The following AKAP6 variants were observed in gnomAD, a reference collection of about 807,000 sequenced individuals.
AKAP6 encodes A-kinase anchor protein 6.
In AKAP6, 58 loss-of-function variants were observed where a neutral mutation model predicts 188.5. The observed-to-expected ratio is 0.31, with a 90% confidence interval of 0.25 to 0.38. AKAP6 has a LOEUF of 0.38. Ranked by LOEUF, AKAP6 falls within the 10% of genes least tolerant of loss-of-function variation. The pLI is 1.00. For missense variants in AKAP6, 2,710 were observed against 2,740.0 expected (o/e 0.99, Z 0.24); for synonymous variants, 989 against 998.6 (o/e 0.99, Z 0.18).
intron 9 of AKAP6, 40 bp from the exon 10 acceptor site, chr14:32,732,414 T>C: frequency 6.3e-7 from 1 of 1,583,778 alleles, no homozygotes; most frequent in Non-Finnish European, 8.6e-7. Context: ...TAAGAACACC[T>C]CTCTCCCTAA....
chr14:32,811,472 AG>A (rs375834029), intron 12 of AKAP6, among the ~76,000 whole-genome samples: 26 of 152,230 alleles, frequency 1.7e-4, no homozygotes, highest in African/African-American at 6.0e-4. Flanking sequence ...TTGAGAATGA[AG>A]ACACAAGAGG....
intron 4 of AKAP6, among the ~76,000 whole-genome samples, chr14:32,555,859 G>A (rs139553647): frequency 2.6e-4 from 40 of 152,164 alleles, no homozygotes; most frequent in African/African-American, 9.6e-4. Flanking sequence ...GACAATCTGG[G>A]TTGCTTCCAC....
In AKAP6 at chr14:32,545,994, C is replaced by T. The variant is rs777699344; in HGVS notation, c.1341C>T (p.Asn447=). ...LCLVLQSSYP[N]SPSAASQSYE... ...TGGTATTGCAGTCTTCTTACCCCAA[C>T]AGCCCTTCTGCTGCCAGCCAGTCTT... Residue 447 remains asparagine, a synonymous_variant, in exon 4 of 14, where the codon AAC becomes AAT. Coordinates refer to ENST00000280979, the MANE Select transcript of AKAP6 (RefSeq NM_004274.5). 7.4e-6 allele frequency: 12 copies of T among 1,614,204 alleles called. No homozygotes were observed. Among genetic ancestry groups the T allele is most frequent in the Non-Finnish European group, 1.0e-5 (12 of 1,180,036 alleles).
intron 1 of AKAP6, among the ~76,000 whole-genome samples, chr14:32,424,570 G>C (rs1272452378): frequency 6.6e-6 from 1 of 151,874 alleles, no homozygotes; most frequent in Admixed American, 6.6e-5. Flanking sequence ...TGTGTCATTG[G>C]GGTTTGTTGT....
chr14:32,677,680 GA>G (rs1889491267), intron 7 of AKAP6, among the ~76,000 whole-genome samples: 1 of 152,212 alleles, frequency 6.6e-6, no homozygotes, highest in Non-Finnish European at 1.5e-5. Context: ...TGGTTTGATA[GA>G]AAACAGCATG....
At chr14:32,485,782 A>G (rs1046490533) in intron 2 of AKAP6, among the ~76,000 whole-genome samples, 3 of 152,146 alleles carry the variant, frequency 2.0e-5, no homozygotes, top group African/African-American at 7.2e-5. Context: ...CACTCTGATG[A>G]TAATTCCTTT....
In AKAP6 at chr14:32,433,477, G is replaced by A; in HGVS notation, c.-17G>A. 1 of 1,603,200 alleles carries A rather than the reference G, an allele frequency of 6.2e-7. No individual in the cohort carries two copies. The highest frequency in any genetic ancestry group is 1.1e-5 in the South Asian group (1 of 90,456). ...CCTTTCAGCTGTTTTGGAAAGAAGT[G>A]AGGTTTAGACTTCTCCATGTTAACC... is the stretch of plus-strand genomic sequence containing the variant. On this transcript the variant is annotated 5_prime_UTR_variant, in exon 2 of 14. Transcript: ENST00000280979.
intron 1 of AKAP6, among the ~76,000 whole-genome samples, chr14:32,346,648 A>G (rs1256979299): frequency 6.6e-6 from 1 of 152,136 alleles, no homozygotes; most frequent in Admixed American, 6.5e-5. Context: ...AGCTGGGACT[A>G]CAGGGGCCCG....
At chr14:32,695,480 A>C (rs760792709) in intron 8 of AKAP6, among the ~76,000 whole-genome samples, 5 of 152,202 alleles carry the variant, frequency 3.3e-5, no homozygotes, top group Non-Finnish European at 4.4e-5. Flanking sequence ...GCTGATAGTG[A>C]TCCTTATACA....
intron 3 of AKAP6, among the ~76,000 whole-genome samples, chr14:32,537,297 A>G (rs933122106): frequency 6.6e-6 from 1 of 152,212 alleles, no homozygotes; most frequent in African/African-American, 2.4e-5. Flanking sequence ...ACTTCAGTAG[A>G]GTAACCACGG....
chr14:32,704,362 G>A (rs1384099699), intron 9 of AKAP6, among the ~76,000 whole-genome samples: 1 of 152,130 alleles, frequency 6.6e-6, no homozygotes, highest in Admixed American at 6.6e-5. Flanking sequence ...GATAGCTTTT[G>A]CTTTAGCCCC....
In AKAP6 at chr14:32,568,712, A is replaced by C. The variant is rs149096801; in HGVS notation, c.2347-8408A>C. Among the ~76,000 whole-genome samples the C allele has an allele frequency of 6.3e-4, 96 of 152,200 alleles. No homozygotes were observed. Among genetic ancestry groups the C allele is most frequent in the Middle Eastern group, 3.4e-3 (1 of 294 alleles). On this transcript the variant is annotated intron_variant, in intron 4 of 13. Coordinates refer to ENST00000280979, the MANE Select transcript of AKAP6 (RefSeq NM_004274.5). This position sits in a 1 kb window ranked among gnomAD's most constrained non-coding sequence, Gnocchi z 6.2. Reference sequence around the variant, plus strand: ...TACCTGACAATGTTGGGAGCTTGTAAAGTGTTTGATCTTGTCTGTGCTTCA... The same window carrying C: ...TACCTGACAATGTTGGGAGCTTGTACAGTGTTTGATCTTGTCTGTGCTTCA...
At chr14:32,452,466 T>G (rs1890974946) in intron 2 of AKAP6, among the ~76,000 whole-genome samples, 1 of 152,240 alleles carries the variant, frequency 6.6e-6, no homozygotes. Flanking sequence ...GGTGATTATT[T>G]TCTTTGAGAA....
chr14:32,547,446 A>C (rs1240456029), intron 4 of AKAP6, among the ~76,000 whole-genome samples: 3 of 152,244 alleles, frequency 2.0e-5, no homozygotes, highest in Non-Finnish European at 4.4e-5. Flanking sequence ...TCTTGTAGAA[A>C]TAGACCAGAC....
intron 9 of AKAP6, among the ~76,000 whole-genome samples, chr14:32,724,142 A>C (rs752546177): frequency 6.6e-6 from 1 of 152,078 alleles, no homozygotes; most frequent in Non-Finnish European, 1.5e-5. Context: ...TGAGTTTATG[A>C]TCTCTGAACT....
rs1161434769 is a variant in AKAP6 at position 32,470,394 on chromosome 14, A to G, written c.324+36577A>G. 2.0e-5 allele frequency among the ~76,000 whole-genome samples: 3 copies of G among 152,290 alleles called. No homozygotes were observed. The East Asian group carries it at 5.8e-4, about 29-fold the overall frequency. On this transcript the variant is annotated intron_variant, in intron 2 of 13. Coordinates refer to ENST00000280979, the MANE Select transcript of AKAP6 (RefSeq NM_004274.5). ...CAAACCAAGAGTAAGGTCTTTCATT[A>G]CAAGTTTGAATTTACAGTATCTTAT...
At chr14:32,519,474 A>T (rs1372736912) in intron 2 of AKAP6, among the ~76,000 whole-genome samples, 1 of 152,092 alleles carries the variant, frequency 6.6e-6, no homozygotes, top group East Asian at 1.9e-4. Flanking sequence ...GACACACAAA[A>T]ACTCAAAATA....
intron 12 of AKAP6, among the ~76,000 whole-genome samples, chr14:32,788,573 C>T (rs1365535792): frequency 6.6e-6 from 1 of 152,168 alleles, no homozygotes; most frequent in East Asian, 1.9e-4. Flanking sequence ...GAAAGGAACC[C>T]CCACCCTCAG....
intron 11 of AKAP6, among the ~76,000 whole-genome samples, chr14:32,766,733 T>C (rs1019611380): frequency 8.5e-5 from 13 of 152,154 alleles, no homozygotes; most frequent in African/African-American, 4.8e-5. Flanking sequence ...TTCTTTTCAC[T>C]TTTCTATGGT....
Sources: allele counts gnomAD v4.1 joint callset (sites outside exome capture counted in the v4.1 genomes callset), GRCh38; gene constraint gnomAD v4.1.1; non-coding constraint Gnocchi (gnomAD v3.1); transcripts MANE v1.5; gene names NCBI Gene and HGNC (gene_info 2026-07-23, HGNC 2026-07-21).